The following FAM53B variants were observed in gnomAD, a reference collection of about 807,000 sequenced individuals.
FAM53B encodes the protein protein FAM53B.
Under a neutral mutation model 32.7 loss-of-function variants are expected in FAM53B, and 12 were observed. The observed-to-expected ratio is 0.37, with a 90% CI of 0.24 to 0.59. The LOEUF (loss-of-function observed/expected upper bound fraction) is 0.59. Ranked by LOEUF, FAM53B falls within the 20% of genes least tolerant of loss-of-function variation. FAM53B has a pLI of 0.72. For missense variants in FAM53B, 477 were observed against 577.7 expected (o/e 0.83, Z 1.79); for synonymous variants, 234 against 228.7 (o/e 1.02, Z -0.21).
chr10:124,656,447 A>G (rs1046561964), intron 4 of FAM53B, among the ~76,000 whole-genome samples: 2 of 152,262 alleles, frequency 1.3e-5, no homozygotes, highest in Non-Finnish European at 2.9e-5. Flanking sequence ...ACTCACATAT[A>G]GACTATTTGT....
chr10:124,662,778 C>A (rs1463210915), intron 4 of FAM53B, among the ~76,000 whole-genome samples: 1 of 152,168 alleles, frequency 6.6e-6, no homozygotes, highest in African/African-American at 2.4e-5. Context: ...TAGCTACGAT[C>A]ACACCACAGT....
chr10:124,643,185 A>G (rs1949488135), intron 4 of FAM53B, among the ~76,000 whole-genome samples: 1 of 152,256 alleles, frequency 6.6e-6, no homozygotes, highest in South Asian at 2.1e-4. Flanking sequence ...TGGAACGCTC[A>G]GGTTAAGGGA....
chr10:124,645,270 T>C lies in FAM53B; in HGVS notation c.907-21666A>G, dbSNP rs529641819. On this transcript the variant is annotated intron_variant, in intron 4 of 4. Coordinates refer to ENST00000337318, the MANE Select transcript of FAM53B (RefSeq NM_014661.4). Reference sequence around the variant, plus strand: ...TCTCTCAGCCTCTTCCTCAACACAGTAACTGGGAAAATCCCTTCTTCTCTT... The same window carrying C: ...TCTCTCAGCCTCTTCCTCAACACAGCAACTGGGAAAATCCCTTCTTCTCTT... Among the ~76,000 whole-genome samples, 108 of 152,348 alleles carry C rather than the reference T, an allele frequency of 7.1e-4. 2 individuals are homozygous for C. The South Asian group carries it at 0.022, about 31-fold the overall frequency.
At chr10:124,642,889 T>C (rs1312014821) in intron 4 of FAM53B, among the ~76,000 whole-genome samples, 2 of 152,236 alleles carry the variant, frequency 1.3e-5, no homozygotes, top group African/African-American at 2.4e-5. Flanking sequence ...CCGCATTACA[T>C]GCACTCCTCT....
intron 4 of FAM53B, among the ~76,000 whole-genome samples, chr10:124,648,333 C>A (rs1949533176): frequency 6.6e-6 from 1 of 152,218 alleles, no homozygotes; most frequent in Non-Finnish European, 1.5e-5. Context: ...TGCCTCCAGC[C>A]CAGTGTGCCT....
chr10:124,627,469 G>A (rs926524297), intron 4 of FAM53B, among the ~76,000 whole-genome samples: 19 of 152,252 alleles, frequency 1.2e-4, no homozygotes, highest in Admixed American at 2.6e-4. Flanking sequence ...CAAGGTGAAA[G>A]TGCTGCTCCA....
At chr10:124,692,878 G>A (rs1949843462) in intron 3 of FAM53B, among the ~76,000 whole-genome samples, 1 of 152,120 alleles carries the variant, frequency 6.6e-6, no homozygotes. Context: ...CACTTGCCCA[G>A]ATTTTCTGCA....
At chr10:124,730,001 G>A (rs115794613) in intron 1 of FAM53B, among the ~76,000 whole-genome samples, 1 of 152,148 alleles carries the variant, frequency 6.6e-6, no homozygotes, top group Admixed American at 6.5e-5. Context: ...TCAACACACG[G>A]CATCAGTGTT....
chr10:124,626,502 G>A (rs796666639), intron 4 of FAM53B, among the ~76,000 whole-genome samples: 2 of 152,132 alleles, frequency 1.3e-5, no homozygotes, highest in Admixed American at 6.5e-5. Context: ...ACTGGAGGGA[G>A]CGCAGGTGCC....
At chr10:124,671,493 C>T (rs936203713) in intron 4 of FAM53B, among the ~76,000 whole-genome samples, 4 of 152,244 alleles carry the variant, frequency 2.6e-5, no homozygotes, top group East Asian at 3.8e-4. Flanking sequence ...CTGGATCTAA[C>T]GGGCTGGTTT....
intron 4 of FAM53B, among the ~76,000 whole-genome samples, chr10:124,681,042 T>A (rs1387006594): frequency 6.6e-6 from 1 of 152,232 alleles, no homozygotes; most frequent in African/African-American, 2.4e-5. Flanking sequence ...GCCAGATACT[T>A]CTTCTACAGT....
chr10:124,740,250 G>A (rs549130577), intron 1 of FAM53B, among the ~76,000 whole-genome samples: 27 of 152,104 alleles, frequency 1.8e-4, no homozygotes, highest in Non-Finnish European at 2.8e-4. Flanking sequence ...ACCACAACCC[G>A]CAATACACGA....
intron 4 of FAM53B, among the ~76,000 whole-genome samples, chr10:124,650,981 G>A (rs1564867880): frequency 1.3e-5 from 2 of 151,980 alleles, no homozygotes; most frequent in Non-Finnish European, 2.9e-5. Flanking sequence ...GAGTCACACC[G>A]AGAGGCTCCA....
intron 4 of FAM53B, chr10:124,623,900 A>G (rs1308516085): frequency 2.7e-5 from 11 of 401,914 alleles, no homozygotes; most frequent in South Asian, 2.1e-4. Context: ...TGAAACAGGA[A>G]TGCTCCTAAC....
intron 1 of FAM53B, among the ~76,000 whole-genome samples, chr10:124,711,144 A>G (rs890640614): frequency 6.6e-6 from 1 of 152,194 alleles, no homozygotes; most frequent in African/African-American, 2.4e-5. Flanking sequence ...ATAAGAAGGA[A>G]CCAACCAGAG....
chr10:124,728,462 A>T (rs1196538987), intron 1 of FAM53B, among the ~76,000 whole-genome samples: 1 of 152,186 alleles, frequency 6.6e-6, no homozygotes, highest in East Asian at 1.9e-4. Context: ...GTAGGGAAAG[A>T]GTTTCCATGC....
intron 3 of FAM53B, among the ~76,000 whole-genome samples, chr10:124,691,844 C>T (rs1339502249): frequency 6.6e-6 from 1 of 152,174 alleles, no homozygotes; most frequent in African/African-American, 2.4e-5. Flanking sequence ...CGCGTGGCCC[C>T]GCTTCTCCCC....
At chr10:124,632,673 T>C (rs1949398688) in intron 4 of FAM53B, among the ~76,000 whole-genome samples, 1 of 152,134 alleles carries the variant, frequency 6.6e-6, no homozygotes, top group Non-Finnish European at 1.5e-5. Context: ...GTTCCAGATA[T>C]TGTCTTCCAT....
rs993055984 is a variant in FAM53B, at chr10:124,619,670, T to A, written c.*3572A>T. On this transcript the variant is annotated 3_prime_UTR_variant, in exon 5 of 5. Transcript: ENST00000337318. ...GGTCTGCCATTAAAAAAAAAAAAAA[T>A]CTTTCTCTTCTTTTCTCTTTAAAGA... 1 of 149,790 alleles carries A rather than the reference T, an allele frequency of 6.7e-6. No homozygotes were observed. Among genetic ancestry groups the A allele is most frequent in the African/African-American group, 2.5e-5 (1 of 40,698 alleles). The allele number at this position is 149,790 out of a possible 1,614,324, so 9.3% of individuals were successfully genotyped here. A position where few individuals can be genotyped will look rare whatever the true frequency, so the allele number is the denominator to read the frequency against.
Sources: allele counts gnomAD v4.1 joint callset (sites outside exome capture counted in the v4.1 genomes callset), GRCh38; gene constraint gnomAD v4.1.1; transcripts MANE v1.5; gene names NCBI Gene and HGNC (gene_info 2026-07-23, HGNC 2026-07-21).